Variants in NCAM1 observed in about 807,000 individuals in gnomAD.
NCAM1 encodes the protein neural cell adhesion molecule 1.
A neutral mutation model predicts 109.8 loss-of-function variants in NCAM1; 14 were observed. The observed-to-expected ratio is 0.13, with a 90% CI of 0.08 to 0.20. NCAM1 has a LOEUF of 0.20. NCAM1 is among the 10% of genes least tolerant of loss of function. The pLI is 1.00. For missense variants in NCAM1, 774 were observed against 1,109.9 expected (o/e 0.70, Z 4.30); for synonymous variants, 418 against 442.9 (o/e 0.94, Z 0.70).
At chr11:112,991,008 A>C (rs1389690835) in intron 1 of NCAM1, among the ~76,000 whole-genome samples, 4 of 152,138 alleles carry the variant, frequency 2.6e-5, no homozygotes, top group Non-Finnish European at 4.4e-5. Flanking sequence ...GTTGGGAGCT[A>C]CGTGCATCTG....
At chr11:113,080,379 G>A (rs1272492364) in intron 1 of NCAM1, among the ~76,000 whole-genome samples, 5 of 151,956 alleles carry the variant, frequency 3.3e-5, no homozygotes, top group African/African-American at 1.2e-4. Context: ...AAATCTGAAA[G>A]TATTCCATCT....
At chr11:113,179,027 T>A (rs139714041) in intron 1 of NCAM1, among the ~76,000 whole-genome samples, 394 of 152,272 alleles carry the variant, frequency 2.6e-3, no homozygotes, top group African/African-American at 9.1e-3. Flanking sequence ...ACCATACGCA[T>A]CTCTTCCCAG....
chr11:113,181,647 AC>A (rs1182217963), intron 1 of NCAM1, among the ~76,000 whole-genome samples: 5 of 152,220 alleles, frequency 3.3e-5, no homozygotes, highest in Admixed American at 3.3e-4. Context: ...ACAAACCTGC[AC>A]GTCCTGCACG....
At position 113,275,528 on chromosome 11, in the gene NCAM1, CT is replaced by C. The variant is rs782476131; in HGVS notation, c.*145del. On this transcript the variant is annotated 3_prime_UTR_variant, in exon 20 of 20. Coordinates refer to ENST00000316851, the MANE Select transcript of NCAM1 (RefSeq NM_181351.5). Reference sequence around the variant, plus strand: ...CACACACATCTCATTTCTCTAGTGTCTTTTGCCTTTAAAAAAAACTAAACAG... The same window carrying C: ...CACACACATCTCATTTCTCTAGTGTCTTTGCCTTTAAAAAAAACTAAACAG... The C allele has an allele frequency of 2.1e-5, 23 of 1,097,448 alleles. No homozygotes were observed. The highest frequency in any genetic ancestry group is 2.9e-5 in the Non-Finnish European group (23 of 796,898). 68.0% of individuals were successfully genotyped at this position (1,097,448 alleles called of 1,614,324 possible).
intron 1 of NCAM1, among the ~76,000 whole-genome samples, chr11:113,158,201 A>G (rs1350110582): frequency 6.6e-6 from 1 of 152,190 alleles, no homozygotes; most frequent in Non-Finnish European, 1.5e-5. Context: ...AGTTTCCAAA[A>G]AGCAATTCTT....
intron 1 of NCAM1, among the ~76,000 whole-genome samples, chr11:113,188,830 TGTGA>T (rs1464565813): frequency 2.0e-5 from 3 of 151,346 alleles, no homozygotes; most frequent in South Asian, 4.2e-4. Flanking sequence ...TGTGTGTGAG[TGTGA>T]GTGTGTGTGT....
Position 113,207,313 on chromosome 11 carries a change from C to T in NCAM1, c.681C>T (p.Leu227=), listed in dbSNP as rs17115154. The change falls in exon 6 of 20, where the codon CTC becomes CTT. Residue 227 remains leucine, a synonymous_variant. Transcript: ENST00000316851. Reference sequence around the variant, plus strand: ...ATATTGTGAATGCCACCGCCAACCTCGGCCAGTCCGTCACCCTGGTGTGCG... The same window carrying T: ...ATATTGTGAATGCCACCGCCAACCTTGGCCAGTCCGTCACCCTGGTGTGCG... ...RQNIVNATAN[L]GQSVTLVCDA... 0.016 allele frequency: 25,453 copies of T among 1,613,974 alleles called. 264 individuals are homozygous for T. The highest frequency in any genetic ancestry group is 0.028 in the Middle Eastern group (167 of 6,062).
intron 9 of NCAM1, 169 bp downstream of exon 9, chr11:113,221,494 G>A: frequency 3.1e-6 from 2 of 649,600 alleles, no homozygotes; most frequent in Non-Finnish European, 2.6e-6. Context: ...GGATGAGCAA[G>A]CAAGCTGTGT....
intron 1 of NCAM1, among the ~76,000 whole-genome samples, chr11:113,055,031 A>C (rs1331340828): frequency 6.6e-6 from 1 of 152,194 alleles, no homozygotes; most frequent in African/African-American, 2.4e-5. Context: ...TGAAGACATG[A>C]TACAGCCCAC....
At chr11:113,057,111 G>A (rs982922936) in intron 1 of NCAM1, among the ~76,000 whole-genome samples, 3 of 152,168 alleles carry the variant, frequency 2.0e-5, no homozygotes, top group Non-Finnish European at 4.4e-5. Flanking sequence ...GTATCTTACA[G>A]GAGCAAAGAG....
chr11:113,174,328 C>T (rs1455471243), intron 1 of NCAM1, among the ~76,000 whole-genome samples: 1 of 152,174 alleles, frequency 6.6e-6, no homozygotes, highest in Non-Finnish European at 1.5e-5. Context: ...CTCCATTTCC[C>T]CGACAAACAC....
chr11:113,110,372 A>G (rs782418098), intron 1 of NCAM1, among the ~76,000 whole-genome samples: 1 of 152,160 alleles, frequency 6.6e-6, no homozygotes, highest in Non-Finnish European at 1.5e-5. Flanking sequence ...AGAGATGAAC[A>G]TCTATGATTG....
intron 1 of NCAM1, among the ~76,000 whole-genome samples, chr11:112,965,793 T>A (rs1448942534): frequency 6.6e-6 from 1 of 152,202 alleles, no homozygotes; most frequent in South Asian, 2.1e-4. Context: ...CCAAAGACAT[T>A]TTACAGACAG....
chr11:113,066,703 T>TA (rs1377210533), intron 1 of NCAM1, among the ~76,000 whole-genome samples: 20 of 152,174 alleles, frequency 1.3e-4, no homozygotes, highest in African/African-American at 4.8e-4. Context: ...TCTTTCCCTC[T>TA]AAAAAGAATT....
chr11:113,274,559 A>C lies in NCAM1; in HGVS notation c.2457-708A>C, dbSNP rs1034086396. 6.6e-6 allele frequency among the ~76,000 whole-genome samples: 1 copy of C among 152,184 alleles called. No homozygotes were observed. The highest frequency in any genetic ancestry group is 2.4e-5 in the African/African-American group (1 of 41,438). On this transcript the variant is annotated intron_variant, in intron 19 of 19. Transcript: ENST00000316851. This position sits in a 1 kb window ranked among gnomAD's most constrained non-coding sequence, Gnocchi z 4.1. Reference sequence around the variant, plus strand: ...TGCCATGCTGCCACCATGGGCTGCAAGGGGCTCTCGCCAGGAGCCCTGAAT... The same window carrying C: ...TGCCATGCTGCCACCATGGGCTGCACGGGGCTCTCGCCAGGAGCCCTGAAT...
At chr11:113,022,374 A>T (rs1952414192) in intron 1 of NCAM1, among the ~76,000 whole-genome samples, 1 of 152,208 alleles carries the variant, frequency 6.6e-6, no homozygotes, top group South Asian at 2.1e-4. Context: ...TATTCTGGAC[A>T]GGGTAAATTC....
In NCAM1 at chr11:113,275,587, A is replaced by C. The variant is rs1283895641; in HGVS notation, c.*200A>C. 9 of 653,412 alleles carry C rather than the reference A, an allele frequency of 1.4e-5. No individual in the cohort carries two copies. In the African/African-American group the frequency reaches 1.7e-4, roughly 12 times the overall value. 40.5% of individuals were successfully genotyped at this position (653,412 alleles called of 1,614,324 possible). ...ATGGGAATCTCCTTTTTGTAGGTTTATAGAAAGGGTCCCTTTGTTGCACAC... is the reference window on the plus strand; with the variant it reads ...ATGGGAATCTCCTTTTTGTAGGTTTCTAGAAAGGGTCCCTTTGTTGCACAC... On this transcript the variant is annotated 3_prime_UTR_variant, in exon 20 of 20. Coordinates refer to ENST00000316851, the MANE Select transcript of NCAM1 (RefSeq NM_181351.5).
chr11:113,103,986 A>G (rs1940006700), intron 1 of NCAM1, among the ~76,000 whole-genome samples: 1 of 152,036 alleles, frequency 6.6e-6, no homozygotes, highest in Non-Finnish European at 1.5e-5. Flanking sequence ...CCTTACAAAA[A>G]CAGGCAGTGG....
chr11:113,085,511 T>G (rs1231285353), intron 1 of NCAM1, among the ~76,000 whole-genome samples: 1 of 151,620 alleles, frequency 6.6e-6, no homozygotes, highest in Non-Finnish European at 1.5e-5. Flanking sequence ...ACTTTTCTCC[T>G]TATTTTTTCT....
Sources: allele counts gnomAD v4.1 joint callset (sites outside exome capture counted in the v4.1 genomes callset), GRCh38; gene constraint gnomAD v4.1.1; non-coding constraint Gnocchi (gnomAD v3.1); transcripts MANE v1.5; gene names NCBI Gene and HGNC (gene_info 2026-07-23, HGNC 2026-07-21).